MAGI2: variants seen among roughly 807,000 people sequenced by gnomAD.
The protein encoded by MAGI2 is membrane associated guanylate kinase, WW and PDZ domain containing 2, also known as membrane-associated guanylate kinase, WW and PDZ domain-containing protein 2.
A neutral mutation model predicts 133.3 loss-of-function variants in MAGI2; 35 were observed. The ratio of observed to expected loss-of-function variants is 0.26; its 90% CI spans 0.20 to 0.35. The LOEUF (loss-of-function observed/expected upper bound fraction) is 0.35. MAGI2 is among the 10% of genes least tolerant of loss of function. The pLI is 1.00. For synonymous variants in MAGI2, 729 were observed against 710.6 expected (o/e 1.03, Z -0.41); for missense variants, 1,636 against 1,863.4 (o/e 0.88, Z 2.25).
chr7:78,683,204 C>T (rs1329773632), intron 2 of MAGI2, among the ~76,000 whole-genome samples: 1 of 152,098 alleles, frequency 6.6e-6, no homozygotes, highest in Non-Finnish European at 1.5e-5. Context: ...AGAGCAGTGA[C>T]TCTTGATTGT....
At chr7:78,967,051 C>T (rs117488579) in intron 2 of MAGI2, among the ~76,000 whole-genome samples, 4,587 of 152,064 alleles carry the variant, frequency 0.03, 260 homozygotes, top group East Asian at 0.17. Context: ...TATCCTCCCA[C>T]CTCAGCCTCC....
chr7:79,371,687 G>A (rs1843063112), intron 1 of MAGI2, among the ~76,000 whole-genome samples: 1 of 152,044 alleles, frequency 6.6e-6, no homozygotes, highest in Non-Finnish European at 1.5e-5. Context: ...TTCGTACAAT[G>A]GCAAAATTGC....
intron 3 of MAGI2, among the ~76,000 whole-genome samples, chr7:78,596,564 C>T (rs1020912364): frequency 2.0e-5 from 3 of 151,954 alleles, no homozygotes; most frequent in African/African-American, 7.3e-5. Flanking sequence ...ACTTTAAATC[C>T]TATACTTTTT....
At chr7:79,363,350 AAGAG>A (rs67570288) in intron 1 of MAGI2, among the ~76,000 whole-genome samples, 21,008 of 147,378 alleles carry the variant, frequency 0.14, 1,670 homozygotes, top group African/African-American at 0.18. Flanking sequence ...CTTTGATTTA[AAGAG>A]AGAGACATAC....
In MAGI2 at chr7:78,245,106, G is replaced by A. The variant is rs185152668; in HGVS notation, c.2047+10837C>T. 1.3e-3 allele frequency among the ~76,000 whole-genome samples: 198 copies of A among 152,236 alleles called. 1 individual carries two copies. Among genetic ancestry groups the A allele is most frequent in the Admixed American group, 2.3e-3 (35 of 15,286 alleles). On this transcript the variant is annotated intron_variant, in intron 10 of 21. Transcript: ENST00000354212. The stretch of plus-strand genomic sequence containing the variant: ...GGCAAAGCGATTGTTATTTGTAGGT[G>A]GTACGCGTGTATGCCCCCAAATACA...
intron 2 of MAGI2, among the ~76,000 whole-genome samples, chr7:78,955,776 TCTTTCTTTCTTTC>T (rs1802322069): frequency 6.7e-6 from 1 of 149,996 alleles, no homozygotes; most frequent in Admixed American, 6.7e-5. Context: ...TTTCTTTCTT[TCTTTCTTTCTTTC>T]ATTTCTTTCG....
chr7:79,157,320 G>A (rs544611284), intron 1 of MAGI2, among the ~76,000 whole-genome samples: 13 of 151,928 alleles, frequency 8.6e-5, no homozygotes, highest in South Asian at 2.1e-4. Context: ...TGGCCCTACC[G>A]GGAAATTCCC....
At chr7:78,712,936 C>T (rs529004529) in intron 2 of MAGI2, among the ~76,000 whole-genome samples, 1 of 152,160 alleles carries the variant, frequency 6.6e-6, no homozygotes, top group South Asian at 2.1e-4. Context: ...AACTATCAGC[C>T]ATCTGTAGTA....
At chr7:78,362,599 T>C (rs1307333604) in intron 7 of MAGI2, among the ~76,000 whole-genome samples, 1 of 152,132 alleles carries the variant, frequency 6.6e-6, no homozygotes, top group Non-Finnish European at 1.5e-5. Context: ...CCCCAAATTA[T>C]AAAATCAGCC....
intron 2 of MAGI2, among the ~76,000 whole-genome samples, chr7:78,985,414 A>G (rs1805165827): frequency 1.3e-5 from 2 of 152,106 alleles, no homozygotes; most frequent in Admixed American, 6.6e-5. Context: ...TTTAATCTAC[A>G]TATCATCTTA....
At chr7:78,477,543 T>C (rs1791902236) in intron 6 of MAGI2, among the ~76,000 whole-genome samples, 1 of 151,754 alleles carries the variant, frequency 6.6e-6, no homozygotes, top group South Asian at 2.1e-4. Context: ...TGGCAGAAGA[T>C]GAAGGAAGAG....
intron 1 of MAGI2, among the ~76,000 whole-genome samples, chr7:79,107,911 C>T (rs1237629244): frequency 3.3e-5 from 5 of 152,042 alleles, no homozygotes; most frequent in Admixed American, 1.3e-4. Flanking sequence ...GTAGTATATA[C>T]CCACAGATTC....
chr7:78,267,631 C>T (rs1794148677), intron 9 of MAGI2, among the ~76,000 whole-genome samples: 1 of 152,002 alleles, frequency 6.6e-6, no homozygotes, highest in African/African-American at 2.4e-5. Flanking sequence ...TTTTGGAATC[C>T]AGAGAAAGAT....
chr7:79,376,119 T>C (rs949801740), intron 1 of MAGI2, among the ~76,000 whole-genome samples: 2 of 151,846 alleles, frequency 1.3e-5, no homozygotes, highest in Non-Finnish European at 2.9e-5. Context: ...TCTTATTGTA[T>C]ATGTTTATAT....
intron 2 of MAGI2, among the ~76,000 whole-genome samples, chr7:78,728,396 C>T (rs1165132610): frequency 6.6e-6 from 1 of 152,084 alleles, no homozygotes; most frequent in Non-Finnish European, 1.5e-5. Context: ...ACAAAATGCA[C>T]ATTGGTTCTT....
At position 79,399,083 on chromosome 7, in the gene MAGI2, T is replaced by TC. The variant is rs199930461; in HGVS notation, c.301+53936_301+53937insG. On this transcript the variant is annotated intron_variant, in intron 1 of 21. Transcript: ENST00000354212. ...TTCAATTCACTAGTATTATTTCTTT[T>TC]TTTTTTCTTTTCTTTTTTTTTTTTT... is the stretch of plus-strand genomic sequence containing the variant. Among the ~76,000 whole-genome samples the TC allele has an allele frequency of 2.4e-4, 33 of 138,670 alleles. 1 individual carries two copies. The highest frequency in any genetic ancestry group is 8.9e-4 in the East Asian group (4 of 4,498). 91.0% of individuals were successfully genotyped at this position (138,670 alleles called of 152,430 possible).
chr7:78,110,445 CGCTG>C (rs1563134682), intron 20 of MAGI2, among the ~76,000 whole-genome samples: 6 of 152,122 alleles, frequency 3.9e-5, no homozygotes, highest in Non-Finnish European at 8.8e-5. Context: ...AAAATGAATG[CGCTG>C]AACATCCAAT....
intron 20 of MAGI2, among the ~76,000 whole-genome samples, chr7:78,101,626 C>G (rs1649441055): frequency 1.3e-5 from 2 of 152,052 alleles, no homozygotes; most frequent in Admixed American, 6.6e-5. Flanking sequence ...GAAGAAGCTC[C>G]TTGACATTGG....
intron 7 of MAGI2, among the ~76,000 whole-genome samples, chr7:78,366,659 A>G (rs562389038): frequency 8.5e-5 from 13 of 152,334 alleles, no homozygotes; most frequent in African/African-American, 3.1e-4. Flanking sequence ...AGTAATGTAT[A>G]CATCATATAC....
Sources: allele counts gnomAD v4.1 joint callset (sites outside exome capture counted in the v4.1 genomes callset), GRCh38; gene constraint gnomAD v4.1.1; transcripts MANE v1.5; gene names NCBI Gene and HGNC (gene_info 2026-07-23, HGNC 2026-07-21).